The following NTRK3 variants were observed in gnomAD, a reference collection of about 807,000 sequenced individuals.
NTRK3 encodes NT-3 growth factor receptor.
Under a neutral mutation model 91.7 loss-of-function variants are expected in NTRK3, and 24 were observed. The observed-to-expected ratio is 0.26, with a 90% confidence interval of 0.19 to 0.37. The LOEUF (loss-of-function observed/expected upper bound fraction) is 0.37, where lower values mean the gene tolerates loss of function less well. NTRK3 is among the 10% of genes least tolerant of loss of function. The probability of loss-of-function intolerance (pLI) is 1.00; values close to 1 mark genes in which losing one functional copy is unlikely to be tolerated. For synonymous variants in NTRK3, 483 were observed against 404.0 expected, an observed-to-expected ratio of 1.20 and a Z score of -2.34; for missense variants, 880 against 1,068.9, an observed-to-expected ratio of 0.82 and a Z score of 2.46.
Position 88,135,088 on chromosome 15 carries a change from A to G in NTRK3, c.1204+13T>C. 1.9e-6 allele frequency: 3 copies of G among 1,614,080 alleles called. No individual in the cohort carries two copies. The highest frequency in any genetic ancestry group is 2.5e-6 in the Non-Finnish European group (3 of 1,179,926). On this transcript the variant is annotated intron_variant, in intron 10 of 18. Coordinates refer to ENST00000394480, the Ensembl canonical transcript of NTRK3. Reference sequence around the variant, plus strand: ...GAATCCATACACCTCCGATCCAGCTACGCTGCCCTCACCTGGAAAGGGCTC... The same window carrying G: ...GAATCCATACACCTCCGATCCAGCTGCGCTGCCCTCACCTGGAAAGGGCTC...
At chr15:88,003,957 T>C (rs2076300526) in intron 14 of NTRK3, among the ~76,000 whole-genome samples, 1 of 151,924 alleles carries the variant, frequency 6.6e-6, no homozygotes. Context: ...CCCTTTCCCA[T>C]TCAAGAGCAG....
At chr15:88,025,872 T>C (rs941045635) in intron 14 of NTRK3, among the ~76,000 whole-genome samples, 6 of 152,100 alleles carry the variant, frequency 3.9e-5, no homozygotes, top group African/African-American at 1.4e-4. Flanking sequence ...TAAATGAGAA[T>C]CGCTTGAACC....
intron 3 of NTRK3, among the ~76,000 whole-genome samples, chr15:88,226,011 G>C (rs976674289): frequency 2.6e-5 from 4 of 152,240 alleles, no homozygotes; most frequent in African/African-American, 7.2e-5. Flanking sequence ...GCGATCCCAG[G>C]AAGCAGTCTG....
chr15:88,143,201 C>G (rs2042558258), intron 6 of NTRK3, among the ~76,000 whole-genome samples: 1 of 152,086 alleles, frequency 6.6e-6, no homozygotes. Flanking sequence ...CTAGCCTGGG[C>G]TACAGAGTGA....
intron 3 of NTRK3, among the ~76,000 whole-genome samples, chr15:88,248,573 TAA>T (rs1413083700): frequency 6.6e-6 from 1 of 152,136 alleles, no homozygotes. Flanking sequence ...CTAGTATGCA[TAA>T]GAGTATTGCA....
chr15:88,199,402 T>G (rs1472103683), intron 3 of NTRK3, among the ~76,000 whole-genome samples: 1 of 152,214 alleles, frequency 6.6e-6, no homozygotes, highest in Non-Finnish European at 1.5e-5. Flanking sequence ...TCTGCATCCC[T>G]GGTGCCAAAT....
At chr15:88,056,016 G>C (rs1684647) in intron 13 of NTRK3, among the ~76,000 whole-genome samples, 1 of 151,908 alleles carries the variant, frequency 6.6e-6, no homozygotes, top group Non-Finnish European at 1.5e-5. Context: ...TGTAGGTTAA[G>C]GCATGACTTG....
At chr15:88,194,158 C>G (rs1402541601) in intron 3 of NTRK3, among the ~76,000 whole-genome samples, 4 of 152,268 alleles carry the variant, frequency 2.6e-5, no homozygotes, top group African/African-American at 4.8e-5. Flanking sequence ...ACTACACTCT[C>G]TCCTGGGTTT....
chr15:87,919,922 C>T (rs1210323043), intron 17 of NTRK3, among the ~76,000 whole-genome samples: 1 of 152,194 alleles, frequency 6.6e-6, no homozygotes, highest in East Asian at 1.9e-4. Flanking sequence ...CGTTATTATT[C>T]TACCTTTGGC....
intron 14 of NTRK3, among the ~76,000 whole-genome samples, chr15:87,980,860 T>A (rs770823665): frequency 6.6e-6 from 1 of 152,042 alleles, no homozygotes; most frequent in Non-Finnish European, 1.5e-5. Flanking sequence ...GGTGAGACAT[T>A]TCTGAGACAG....
intron 13 of NTRK3, among the ~76,000 whole-genome samples, chr15:88,108,039 G>C (rs2050901249): frequency 6.6e-6 from 1 of 152,168 alleles, no homozygotes; most frequent in Non-Finnish European, 1.5e-5. Flanking sequence ...GCTGACAGTA[G>C]CCCATAGGCA....
At chr15:88,099,520 T>C (rs1033881260) in intron 13 of NTRK3, among the ~76,000 whole-genome samples, 1 of 152,146 alleles carries the variant, frequency 6.6e-6, no homozygotes, top group Non-Finnish European at 1.5e-5. Context: ...GGCCAGGTAT[T>C]CCCTGAAACT....
chr15:87,887,460 G>C (rs1043198879), intron 17 of NTRK3, among the ~76,000 whole-genome samples: 1 of 152,144 alleles, frequency 6.6e-6, no homozygotes, highest in African/African-American at 2.4e-5. Context: ...CCTAAAATGA[G>C]ATTATGTATG....
intron 14 of NTRK3, among the ~76,000 whole-genome samples, chr15:87,950,769 T>C (rs1446796707): frequency 6.6e-6 from 1 of 152,200 alleles, no homozygotes; most frequent in Non-Finnish European, 1.5e-5. Context: ...CGGGAAGGAA[T>C]ATGCCAATTT....
chr15:87,943,194 T>C (rs1345564068), intron 14 of NTRK3, among the ~76,000 whole-genome samples: 1 of 152,116 alleles, frequency 6.6e-6, no homozygotes, highest in African/African-American at 2.4e-5. Flanking sequence ...AACCACACTT[T>C]GAGAATCACC....
intron 3 of NTRK3, among the ~76,000 whole-genome samples, chr15:88,199,137 G>A (rs1421955071): frequency 6.6e-6 from 1 of 152,164 alleles, no homozygotes; most frequent in Admixed American, 6.5e-5. Flanking sequence ...GTATCAGGCT[G>A]GAATGGCTGG....
intron 13 of NTRK3, among the ~76,000 whole-genome samples, chr15:88,120,793 C>T (rs182750334): frequency 6.6e-6 from 1 of 152,330 alleles, no homozygotes; most frequent in African/African-American, 2.4e-5. Flanking sequence ...TTCCCTGACC[C>T]TCCCAGGTTC....
rs1295753605 is a variant in NTRK3 at position 88,241,759 on chromosome 15, T to G, written c.248+14147A>C. On this transcript the variant is annotated intron_variant, in intron 3 of 18. Coordinates refer to ENST00000394480, the Ensembl canonical transcript of NTRK3. The surrounding 1 kb of genome is among the most constrained non-coding windows in gnomAD (Gnocchi z 4.3). Reference sequence around the variant, plus strand: ...CACTGGGGAGAAGGGCTGCCCTATATCCACAGCCCTCTGACTTTTCTGCCG... The same window carrying G: ...CACTGGGGAGAAGGGCTGCCCTATAGCCACAGCCCTCTGACTTTTCTGCCG... 6.6e-6 allele frequency among the ~76,000 whole-genome samples: 1 copy of G among 152,088 alleles called. No homozygotes were observed. Among genetic ancestry groups the G allele is most frequent in the Non-Finnish European group, 1.5e-5 (1 of 68,000 alleles).
chr15:88,211,096 T>A (rs563764504), intron 3 of NTRK3, among the ~76,000 whole-genome samples: 2 of 152,394 alleles, frequency 1.3e-5, no homozygotes, highest in South Asian at 4.1e-4. Flanking sequence ...ACTCACAATG[T>A]CATGCAAACA....
Sources: gnomAD v4.1 joint callset for allele counts (sites outside exome capture counted in the v4.1 genomes callset) on GRCh38, gnomAD v4.1.1 for gene constraint, Gnocchi (gnomAD v3.1) non-coding constraint, MANE v1.5 for transcripts, NCBI Gene and HGNC (gene_info 2026-07-23, HGNC 2026-07-21) for gene names.